SYT1: variants seen among roughly 807,000 people sequenced by gnomAD.
SYT1 encodes synaptotagmin-1.
Under a neutral mutation model 44.8 loss-of-function variants are expected in SYT1, and 8 were observed. The ratio of observed to expected loss-of-function variants is 0.18; its 90% CI spans 0.10 to 0.32. SYT1 has a LOEUF of 0.32. Among genes scored for constraint, SYT1 ranks in the 10% least tolerant of loss-of-function variants. The probability of loss-of-function intolerance (pLI) is 1.00; values close to 1 mark genes in which losing one functional copy is unlikely to be tolerated. For missense variants in SYT1, 286 were observed against 509.3 expected, an observed-to-expected ratio of 0.56 and a Z score of 4.22; for synonymous variants, 154 against 188.8, an observed-to-expected ratio of 0.82 and a Z score of 1.51.
At chr12:79,134,513 A>G (rs1368836906) in intron 3 of SYT1, among the ~76,000 whole-genome samples, 1 of 152,212 alleles carries the variant, frequency 6.6e-6, no homozygotes, top group African/African-American at 2.4e-5. Flanking sequence ...TCAGTTTCAT[A>G]AAAGTAGGAA....
At chr12:79,201,621 T>A (rs1309942969) in intron 3 of SYT1, among the ~76,000 whole-genome samples, 2 of 152,198 alleles carry the variant, frequency 1.3e-5, no homozygotes, top group African/African-American at 4.8e-5. Flanking sequence ...GTACTGCGTA[T>A]CTAAATACAA....
At chr12:78,867,272 C>T (rs1196706675) in intron 1 of SYT1, among the ~76,000 whole-genome samples, 5 of 152,044 alleles carry the variant, frequency 3.3e-5, no homozygotes, top group African/African-American at 2.4e-5. Flanking sequence ...TCTCCACTGT[C>T]TTAGGAATAT....
chr12:79,379,254 G>A (rs1430225256), intron 9 of SYT1, among the ~76,000 whole-genome samples: 1 of 152,086 alleles, frequency 6.6e-6, no homozygotes, highest in Non-Finnish European at 1.5e-5. Flanking sequence ...GAAATAACAA[G>A]TCACTTGATT....
At chr12:79,009,714 T>C (rs1249155612) in intron 2 of SYT1, among the ~76,000 whole-genome samples, 1 of 152,174 alleles carries the variant, frequency 6.6e-6, no homozygotes, top group African/African-American at 2.4e-5. Context: ...CTTAACTGTT[T>C]AGATTTTCAG....
At chr12:79,362,116 G>A (rs1193633327) in intron 9 of SYT1, among the ~76,000 whole-genome samples, 1 of 152,084 alleles carries the variant, frequency 6.6e-6, no homozygotes, top group Non-Finnish European at 1.5e-5. Flanking sequence ...TAGAAACAGG[G>A]AGTTCCAAAG....
chr12:79,052,944 T>G (rs1337683830), intron 3 of SYT1, among the ~76,000 whole-genome samples: 2 of 152,170 alleles, frequency 1.3e-5, no homozygotes, highest in Non-Finnish European at 2.9e-5. Flanking sequence ...TGGAAGTCAG[T>G]GTGGTGATTC....
intron 4 of SYT1, among the ~76,000 whole-genome samples, chr12:79,259,755 T>C (rs1877726367): frequency 6.6e-6 from 1 of 152,080 alleles, no homozygotes; most frequent in African/African-American, 2.4e-5. Context: ...AAAAAACTCA[T>C]ATTTATTTTC....
At chr12:79,179,604 G>A (rs1355290429) in intron 3 of SYT1, among the ~76,000 whole-genome samples, 1 of 149,892 alleles carries the variant, frequency 6.7e-6, no homozygotes, top group Non-Finnish European at 1.5e-5. Context: ...TTTTTTAATA[G>A]AGACGGGATT....
intron 7 of SYT1, among the ~76,000 whole-genome samples, chr12:79,297,355 G>T (rs768342384): frequency 6.6e-6 from 1 of 152,056 alleles, no homozygotes; most frequent in Non-Finnish European, 1.5e-5. Context: ...AACATACTAC[G>T]AAACGTAAAA....
chr12:79,261,136 A>G (rs1044854966), intron 4 of SYT1, among the ~76,000 whole-genome samples: 1 of 152,212 alleles, frequency 6.6e-6, no homozygotes, highest in African/African-American at 2.4e-5. Flanking sequence ...AACAGAAATA[A>G]TAGCTTTAGT....
chr12:79,291,898 G>T (rs747678148), intron 5 of SYT1, 110 bp from the exon 6 acceptor site: 10 of 1,282,790 alleles, frequency 7.8e-6, no homozygotes, highest in Non-Finnish European at 1.1e-5. Flanking sequence ...CAGATTTCCA[G>T]CATCTTAGTG....
chr12:79,120,682 G>A (rs185697315), intron 3 of SYT1, among the ~76,000 whole-genome samples: 2 of 152,126 alleles, frequency 1.3e-5, no homozygotes, highest in African/African-American at 2.4e-5. Context: ...ATATGAAAAT[G>A]TATGTTTATC....
At chr12:79,107,938 T>C (rs1878807901) in intron 3 of SYT1, among the ~76,000 whole-genome samples, 1 of 152,028 alleles carries the variant, frequency 6.6e-6, no homozygotes, top group Admixed American at 6.6e-5. Flanking sequence ...GATGGGCTAC[T>C]GGATGGAAAC....
At chr12:79,256,940 A>G (rs1456580181) in intron 4 of SYT1, among the ~76,000 whole-genome samples, 2 of 152,200 alleles carry the variant, frequency 1.3e-5, no homozygotes, top group African/African-American at 4.8e-5. Flanking sequence ...AAGCTTCCTA[A>G]TGTTAACTTC....
At chr12:79,273,775 C>A (rs576484018) in intron 4 of SYT1, among the ~76,000 whole-genome samples, 1 of 152,314 alleles carries the variant, frequency 6.6e-6, no homozygotes, top group African/African-American at 2.4e-5. Context: ...TCAGCCAGCG[C>A]TTAGAGGTTG....
rs564278144 is a variant in SYT1, at chr12:79,265,746, T to C, written c.167-20041T>C. ...AATATGGTGTTTAGGATCAAACCAG[T>C]TGAGGTCATGTGAAAGGGTCTCAGA... is the stretch of plus-strand genomic sequence containing the variant. On this transcript the variant is annotated intron_variant, in intron 4 of 10. Coordinates refer to ENST00000261205, the MANE Select transcript of SYT1 (RefSeq NM_005639.3). Among the ~76,000 whole-genome samples the C allele has an allele frequency of 2.6e-5, 4 of 152,236 alleles. No individual in the cohort carries two copies. The East Asian group carries it at 7.7e-4, about 29-fold the overall frequency.
rs1235090221 is a variant in SYT1, at chr12:79,451,540, C to T, written c.*2416C>T. ...CATTATTTCTTGCATTAAAATACCA[C>T]TAATGCATTCTCTTGCAACACTGCC... On this transcript the variant is annotated 3_prime_UTR_variant, in exon 11 of 11. Coordinates refer to ENST00000261205, the MANE Select transcript of SYT1 (RefSeq NM_005639.3). 1 of 152,230 alleles carries T rather than the reference C, an allele frequency of 6.6e-6. No homozygotes were observed. Among genetic ancestry groups the T allele is most frequent in the Non-Finnish European group, 1.5e-5 (1 of 68,038 alleles). 9.4% of individuals were successfully genotyped at this position (152,230 alleles called of 1,614,324 possible). A position where few individuals can be genotyped will look rare whatever the true frequency, so the allele number is the denominator to read the frequency against.
intron 8 of SYT1, among the ~76,000 whole-genome samples, chr12:79,308,560 AAAGGAAAAGAAAGAAAAG>A (rs1271322324): frequency 8.7e-5 from 13 of 149,286 alleles, no homozygotes; most frequent in South Asian, 4.2e-4. Flanking sequence ...AAAAAGAAAG[AAAGGAAAAGAAAGAAAAG>A]AAGGAAAAGA....
intron 4 of SYT1, among the ~76,000 whole-genome samples, chr12:79,242,378 G>C (rs1245807): frequency 0.77 from 116,950 of 152,044 alleles, 46,028 homozygotes; most frequent in African/African-American, 0.94. Context: ...TGTCTACTTT[G>C]GATTGTGTGA....
Sources: allele counts gnomAD v4.1 joint callset (sites outside exome capture counted in the v4.1 genomes callset), GRCh38; gene constraint gnomAD v4.1.1; transcripts MANE v1.5; gene names NCBI Gene and HGNC (gene_info 2026-07-23, HGNC 2026-07-21).